The following ABHD6 variants were observed in gnomAD, a reference collection of about 807,000 sequenced individuals.
ABHD6 encodes the protein monoacylglycerol lipase ABHD6.
Under a neutral mutation model 38.8 loss-of-function variants are expected in ABHD6, and 33 were observed. The ratio of observed to expected loss-of-function variants is 0.85; its 90% CI spans 0.64 to 1.14. The LOEUF (loss-of-function observed/expected upper bound fraction) is 1.14, where lower values mean the gene tolerates loss of function less well. ABHD6 is among the 50% of genes most tolerant of loss of function. The pLI is 0.00. For synonymous variants in ABHD6, 147 were observed against 161.6 expected (o/e 0.91, Z 0.69); for missense variants, 380 against 422.6 (o/e 0.90, Z 0.88).
rs2097457742 is a variant in ABHD6, at chr3:58,286,870, G to GTGTATATATATATATATATATATATA, written c.837+1418_837+1419insGTATATATATATATATATATATATAT. Among the ~76,000 whole-genome samples the GTGTATATATATATATATATATATATA allele has an allele frequency of 1.3e-3, 100 of 75,014 alleles. 7 individuals carry two copies. The South Asian group carries it at 0.014, about 11-fold the overall frequency. 49.2% of individuals were successfully genotyped at this position (75,014 alleles called of 152,430 possible). A position where few individuals can be genotyped will look rare whatever the true frequency, so the allele number is the denominator to read the frequency against. On this transcript the variant is annotated intron_variant, in intron 9 of 9. Coordinates refer to ENST00000478253, the MANE Select transcript of ABHD6 (RefSeq NM_001320126.2). ...TGTGTGTGTATATATATATATATAT[G>GTGTATATATATATATATATATATATA]TATATGTATATATAAGTAGGTATCT...
At chr3:58,240,936 G>A (rs1258221406) in intron 1 of ABHD6, among the ~76,000 whole-genome samples, 1 of 151,886 alleles carries the variant, frequency 6.6e-6, no homozygotes, top group Non-Finnish European at 1.5e-5. Flanking sequence ...CTCCATGTTG[G>A]TCAGGCTGGT....
chr3:58,294,034 A>T lies in ABHD6; in HGVS notation c.*269A>T, dbSNP rs114913182. 2 of 337,948 alleles carry T rather than the reference A, an allele frequency of 5.9e-6. No homozygotes were observed. The highest frequency in any genetic ancestry group is 4.2e-5 in the African/African-American group (2 of 47,598). 20.9% of individuals were successfully genotyped at this position (337,948 alleles called of 1,614,324 possible). ...AATCTACCATGAAGTCTTCAAGTTC[A>T]TGTCACTGAGAAGCTTGTGCAAAGC... On this transcript the variant is annotated 3_prime_UTR_variant, in exon 10 of 10. Coordinates refer to ENST00000478253, the MANE Select transcript of ABHD6 (RefSeq NM_001320126.2).
Position 58,293,170 on chromosome 3 carries a change from T to C in ABHD6, c.838-419T>C, listed in dbSNP as rs567666237. On this transcript the variant is annotated intron_variant, in intron 9 of 9. Transcript: ENST00000478253. The surrounding 1 kb of genome is among the most constrained non-coding windows in gnomAD (Gnocchi z 4.4). ...CCGTGCTCCTTGGTGGCCCCTGCAC[T>C]CGCCATGATCTCCCACCCTGTGCCA... 1.3e-5 allele frequency among the ~76,000 whole-genome samples: 2 copies of C among 152,094 alleles called. No individual in the cohort carries two copies. The highest frequency in any genetic ancestry group is 4.2e-4 in the South Asian group (2 of 4,816).
intron 7 of ABHD6, among the ~76,000 whole-genome samples, chr3:58,276,305 A>C (rs1202194021): frequency 1.3e-5 from 2 of 152,194 alleles, no homozygotes; most frequent in East Asian, 3.8e-4. Context: ...AATGATTGCC[A>C]TTCTAACTGG....
intron 3 of ABHD6, among the ~76,000 whole-genome samples, chr3:58,258,120 C>T (rs1206523417): frequency 6.6e-6 from 1 of 152,024 alleles, no homozygotes; most frequent in African/African-American, 2.4e-5. Flanking sequence ...CCAGCCCGAC[C>T]AACATGGAGA....
At chr3:58,282,019 A>G (rs921881558) in intron 7 of ABHD6, among the ~76,000 whole-genome samples, 6 of 152,224 alleles carry the variant, frequency 3.9e-5, no homozygotes, top group African/African-American at 1.4e-4. Flanking sequence ...ATGTACAAGC[A>G]CTTATTCCAG....
In ABHD6 at chr3:58,293,291, C is replaced by G. The variant is rs187429275; in HGVS notation, c.838-298C>G. 1.3e-5 allele frequency among the ~76,000 whole-genome samples: 2 copies of G among 152,294 alleles called. No homozygotes were observed. Among genetic ancestry groups the G allele is most frequent in the East Asian group, 3.9e-4 (2 of 5,182 alleles). On this transcript the variant is annotated intron_variant, in intron 9 of 9. Transcript: ENST00000478253. This position sits in a 1 kb window ranked among gnomAD's most constrained non-coding sequence, Gnocchi z 4.4. ...CTCGACCCTGCTCATCCCCTGTGCT[C>G]TCTGACTTCCCCACCATACCATAAC... is the stretch of plus-strand genomic sequence containing the variant.
intron 9 of ABHD6, among the ~76,000 whole-genome samples, chr3:58,290,069 G>A (rs1295966856): frequency 3.7e-5 from 5 of 134,004 alleles, no homozygotes; most frequent in Admixed American, 7.0e-5. Context: ...TCCCGGACGG[G>A]GCGGCTGGCC....
chr3:58,260,097 C>T (rs2097435979), intron 3 of ABHD6, among the ~76,000 whole-genome samples: 1 of 152,200 alleles, frequency 6.6e-6, no homozygotes, highest in South Asian at 2.1e-4. Flanking sequence ...TTGATGGACA[C>T]TTGGGTTGTT....
chr3:58,294,072 C>T lies in ABHD6; in HGVS notation c.*307C>T, dbSNP rs780394839. ...GCTTGTGCAAAGCAGCCACCTTGGA[C>T]CATAATTAAATCAAGGACATTTTCT... On this transcript the variant is annotated 3_prime_UTR_variant, in exon 10 of 10. Coordinates refer to ENST00000478253, the MANE Select transcript of ABHD6 (RefSeq NM_001320126.2). 7 of 252,538 alleles carry T rather than the reference C, an allele frequency of 2.8e-5. No individual in the cohort carries two copies. The highest frequency in any genetic ancestry group is 4.5e-5 in the Non-Finnish European group (6 of 133,130). The allele number at this position is 252,538 out of a possible 1,614,324, so 15.6% of individuals were successfully genotyped here. A position where few individuals can be genotyped will look rare whatever the true frequency, so the allele number is the denominator to read the frequency against.
chr3:58,253,250 T>C (rs2097431212), intron 2 of ABHD6, among the ~76,000 whole-genome samples: 1 of 151,874 alleles, frequency 6.6e-6, no homozygotes, highest in African/African-American at 2.4e-5. Context: ...GCTTTGGGCA[T>C]AAACTGTTCT....
intron 1 of ABHD6, among the ~76,000 whole-genome samples, chr3:58,240,821 C>G (rs2107408848): frequency 6.6e-6 from 1 of 151,798 alleles, no homozygotes; most frequent in African/African-American, 2.4e-5. Flanking sequence ...ACCTCCGCCT[C>G]CCGGGTTCAA....
At chr3:58,286,850 G>GCA (rs1553721726) in intron 9 of ABHD6, among the ~76,000 whole-genome samples, 4 of 72,842 alleles carry the variant, frequency 5.5e-5, no homozygotes, top group East Asian at 2.4e-3. Context: ...GTGTGTGTGT[G>GCA]TGTATATATA....
In ABHD6 at chr3:58,266,610, A is replaced by G. The variant is rs184486119; in HGVS notation, c.120-579A>G. Among the ~76,000 whole-genome samples the G allele has an allele frequency of 2.1e-4, 32 of 152,352 alleles. No homozygotes were observed. In the East Asian group the frequency reaches 4.4e-3, roughly 21 times the overall value. On this transcript the variant is annotated intron_variant, in intron 3 of 9. Transcript: ENST00000478253. The surrounding 1 kb of genome is among the most constrained non-coding windows in gnomAD (Gnocchi z 4.0). The stretch of plus-strand genomic sequence containing the variant: ...TTATTTGCTTTTGCAAGACTTGGCT[A>G]CTTCTTTAGTGTGAAGTATCTTACA...
intron 2 of ABHD6, among the ~76,000 whole-genome samples, chr3:58,250,396 T>G (rs2097429138): frequency 6.6e-6 from 1 of 151,534 alleles, no homozygotes; most frequent in Non-Finnish European, 1.5e-5. Context: ...GACGTGGGAG[T>G]CAGGACTGGG....
chr3:58,242,928 G>T (rs2107412397), intron 1 of ABHD6, among the ~76,000 whole-genome samples: 1 of 152,162 alleles, frequency 6.6e-6, no homozygotes, highest in South Asian at 2.1e-4. Context: ...GTGTCCAAGT[G>T]TTTTCATTGT....
Position 58,265,281 on chromosome 3 carries a change from T to C in ABHD6, c.120-1908T>C, listed in dbSNP as rs2097440176. Among the ~76,000 whole-genome samples, 1 of 152,242 alleles carries C rather than the reference T, an allele frequency of 6.6e-6. No homozygotes were observed. Among genetic ancestry groups the C allele is most frequent in the South Asian group, 2.1e-4 (1 of 4,830 alleles). ...TTTTTATGTTTGTTAGTCATTAATA[T>C]CTTTTCTACTCTAAGGTACCTTTTC... On this transcript the variant is annotated intron_variant, in intron 3 of 9. Coordinates refer to ENST00000478253, the MANE Select transcript of ABHD6 (RefSeq NM_001320126.2). The surrounding 1 kb of genome is among the most constrained non-coding windows in gnomAD (Gnocchi z 4.2).
Position 58,269,500 on chromosome 3 carries a change from G to T in ABHD6, c.390+66G>T. ...AGCCACCATTACATGTCTGAGTCTG[G>T]AGAGCAGGGAAGGGAGTCCTGTGCT... On this transcript the variant is annotated intron_variant, in intron 5 of 9. Transcript: ENST00000478253. This position sits in a 1 kb window ranked among gnomAD's most constrained non-coding sequence, Gnocchi z 4.4. The T allele has an allele frequency of 7.8e-7, 1 of 1,283,974 alleles. No individual in the cohort carries two copies. Among genetic ancestry groups the T allele is most frequent in the African/African-American group, 1.5e-5 (1 of 68,644 alleles). 79.5% of individuals were successfully genotyped at this position (1,283,974 alleles called of 1,614,324 possible). A position where few individuals can be genotyped will look rare whatever the true frequency, so the allele number is the denominator to read the frequency against.
In ABHD6 at chr3:58,268,046, G is replaced by A. The variant is rs571170036; in HGVS notation, c.276+701G>A. 1.1e-4 allele frequency among the ~76,000 whole-genome samples: 17 copies of A among 152,326 alleles called. No homozygotes were observed. The East Asian group carries it at 2.9e-3, about 26-fold the overall frequency. On this transcript the variant is annotated intron_variant, in intron 4 of 9. Transcript: ENST00000478253. ...CAAGATCGTGCTATACCACACTCCA[G>A]CCTGAGCAACAGGAGTGAGACCCTG...
Sources: allele counts gnomAD v4.1 joint callset (sites outside exome capture counted in the v4.1 genomes callset), GRCh38; gene constraint gnomAD v4.1.1; non-coding constraint Gnocchi (gnomAD v3.1); transcripts MANE v1.5; gene names NCBI Gene and HGNC (gene_info 2026-07-23, HGNC 2026-07-21).